Variants in PRKD1 observed in about 807,000 individuals in gnomAD.
PRKD1 encodes the protein protein kinase D1, also known as serine/threonine-protein kinase D1.
A neutral mutation model predicts 95.9 loss-of-function variants in PRKD1; 63 were observed. The ratio of observed to expected loss-of-function variants is 0.66; its 90% CI spans 0.54 to 0.81. PRKD1 has a LOEUF of 0.81. PRKD1 is among the 30% of genes least tolerant of loss of function. The probability of loss-of-function intolerance (pLI) is 0.00; values close to 1 mark genes in which losing one functional copy is unlikely to be tolerated. For missense variants in PRKD1, 1,048 were observed against 1,165.3 expected (o/e 0.90, Z 1.47); for synonymous variants, 425 against 423.1 (o/e 1.00, Z -0.05).
At position 29,782,689 on chromosome 14, in the gene PRKD1, A is replaced by AC. The variant is rs1452200790; in HGVS notation, c.265-57016dup. Reference sequence around the variant, plus strand: ...AGGACTACAGGCATGTGCCACCAATACCACCATGCCCAGCTAATTTTTTTT... The same window carrying AC: ...AGGACTACAGGCATGTGCCACCAATACCCACCATGCCCAGCTAATTTTTTTT... On this transcript the variant is annotated intron_variant, in intron 1 of 17. Coordinates refer to ENST00000331968, the MANE Select transcript of PRKD1 (RefSeq NM_002742.3). Among the ~76,000 whole-genome samples the AC allele has an allele frequency of 4.6e-5, 7 of 151,696 alleles. No individual in the cohort carries two copies. In the East Asian group the frequency reaches 1.4e-3, roughly 30 times the overall value.
chr14:29,887,301 G>A (rs545079425), intron 1 of PRKD1, among the ~76,000 whole-genome samples: 4 of 152,284 alleles, frequency 2.6e-5, no homozygotes, highest in Admixed American at 2.6e-4. Context: ...AAGTCTAGAG[G>A]TGTGACAGGT....
intron 1 of PRKD1, among the ~76,000 whole-genome samples, chr14:29,912,916 T>G (rs1323328489): frequency 6.6e-6 from 1 of 152,248 alleles, no homozygotes; most frequent in Admixed American, 6.5e-5. Flanking sequence ...AAAGGTATTA[T>G]GTACCTCCAG....
chr14:29,927,347 C>A lies in PRKD1; in HGVS notation c.166G>T (p.Gly56Cys). ...VGGISFHLQIGLSREPVLLLQ... is the reference protein window; with the variant it reads ...VGGISFHLQICLSREPVLLLQ... The stretch of plus-strand genomic sequence containing the variant: ...AGCAGCACCGGCTCACGGCTCAGGC[C>A]GATCTGCAGATGGAACGAGATGCCC... The change falls in exon 1 of 18, where the codon GGC becomes TGC. Residue 56 changes from glycine (G) to cysteine (C), a missense_variant. Transcript: ENST00000331968. 1.3e-6 allele frequency: 2 copies of A among 1,566,880 alleles called. No individual in the cohort carries two copies. The highest frequency in any genetic ancestry group is 8.6e-7 in the Non-Finnish European group (1 of 1,158,568).
chr14:29,774,855 T>A (rs983304028), intron 1 of PRKD1, among the ~76,000 whole-genome samples: 1 of 152,160 alleles, frequency 6.6e-6, no homozygotes, highest in Non-Finnish European at 1.5e-5. Flanking sequence ...GTGATTTGCA[T>A]TCTTCCACAG....
At chr14:29,765,468 A>C (rs1189055076) in intron 1 of PRKD1, among the ~76,000 whole-genome samples, 1 of 152,204 alleles carries the variant, frequency 6.6e-6, no homozygotes, top group African/African-American at 2.4e-5. Context: ...CATTTCAGAA[A>C]CATTTGGCTT....
At chr14:29,904,227 G>C (rs997205691) in intron 1 of PRKD1, among the ~76,000 whole-genome samples, 2 of 152,180 alleles carry the variant, frequency 1.3e-5, no homozygotes, top group Non-Finnish European at 2.9e-5. Flanking sequence ...CAAAAGCACT[G>C]TAAAATGATT....
intron 1 of PRKD1, among the ~76,000 whole-genome samples, chr14:29,750,117 T>C (rs189694072): frequency 4.6e-4 from 70 of 152,270 alleles, no homozygotes; most frequent in Middle Eastern, 6.8e-3. Context: ...CAATATTCTA[T>C]GAAATGTGAA....
chr14:29,664,953 T>C (rs756490577), intron 3 of PRKD1, among the ~76,000 whole-genome samples: 2 of 152,234 alleles, frequency 1.3e-5, no homozygotes, highest in Non-Finnish European at 2.9e-5. Context: ...TTCCAATTTC[T>C]GACTTATTTA....
intron 2 of PRKD1, among the ~76,000 whole-genome samples, chr14:29,710,344 T>G (rs1040811842): frequency 6.6e-6 from 1 of 152,112 alleles, no homozygotes; most frequent in Non-Finnish European, 1.5e-5. Context: ...AGGTTAACAT[T>G]ATCAGTGATG....
intron 1 of PRKD1, among the ~76,000 whole-genome samples, chr14:29,763,473 GGAGGAGAGGGAGGA>G: frequency 1.0e-5 from 1 of 98,580 alleles, no homozygotes; most frequent in Non-Finnish European, 2.1e-5. Flanking sequence ...GAAGGGGAGG[GGAGGAGAGGGAGGA>G]AGGGAGGGAG....
At position 29,699,995 on chromosome 14, in the gene PRKD1, A is replaced by G. The variant is rs189292344; in HGVS notation, c.403+25541T>C. Among the ~76,000 whole-genome samples the G allele has an allele frequency of 5.7e-3, 861 of 152,150 alleles. 16 individuals carry two copies. The highest frequency in any genetic ancestry group is 0.034 in the Admixed American group (518 of 15,290). On this transcript the variant is annotated intron_variant, in intron 2 of 17. Coordinates refer to ENST00000331968, the MANE Select transcript of PRKD1 (RefSeq NM_002742.3). Reference sequence around the variant, plus strand: ...TTTAAAGTTTTATTTAAAAGATTTTAAAACCAAAAGAAAGAAAGGTATAGT... The same window carrying G: ...TTTAAAGTTTTATTTAAAAGATTTTGAAACCAAAAGAAAGAAAGGTATAGT...
At chr14:29,628,955 A>C in intron 11 of PRKD1, 86 bp downstream of exon 11, 3 of 977,724 alleles carry the variant, frequency 3.1e-6, no homozygotes, top group Non-Finnish European at 4.3e-6. Flanking sequence ...CTAAAAAATT[A>C]AAATGAATTA....
intron 2 of PRKD1, among the ~76,000 whole-genome samples, chr14:29,725,299 G>C (rs746676444): frequency 6.6e-6 from 1 of 152,144 alleles, no homozygotes. Context: ...GAGGCTGAGA[G>C]GGGGCTGGGA....
intron 1 of PRKD1, among the ~76,000 whole-genome samples, chr14:29,795,469 A>G (rs1474561896): frequency 2.0e-5 from 3 of 152,066 alleles, no homozygotes; most frequent in Non-Finnish European, 4.4e-5. Flanking sequence ...TTTTCACATA[A>G]TAAACACTAT....
chr14:29,882,413 T>C (rs1164972618), intron 1 of PRKD1, among the ~76,000 whole-genome samples: 3 of 152,230 alleles, frequency 2.0e-5, no homozygotes, highest in Non-Finnish European at 4.4e-5. Context: ...TAGGTATTAT[T>C]CTTTAGAAAC....
chr14:29,626,883 T>G (rs1879666441), intron 11 of PRKD1, among the ~76,000 whole-genome samples: 1 of 152,088 alleles, frequency 6.6e-6, no homozygotes, highest in African/African-American at 2.4e-5. Flanking sequence ...CCCAGCTAAT[T>G]TTTGTATTTT....
intron 2 of PRKD1, among the ~76,000 whole-genome samples, chr14:29,697,969 C>G (rs1884624079): frequency 6.6e-6 from 1 of 152,092 alleles, no homozygotes; most frequent in African/African-American, 2.4e-5. Flanking sequence ...AACTTGAGGT[C>G]AAAATTCACA....
chr14:29,763,922 A>C (rs1001896730), intron 1 of PRKD1, among the ~76,000 whole-genome samples: 3 of 152,174 alleles, frequency 2.0e-5, no homozygotes, highest in African/African-American at 4.8e-5. Context: ...GGCAGCCTAA[A>C]TTACCCTTCC....
intron 1 of PRKD1, among the ~76,000 whole-genome samples, chr14:29,918,139 G>A (rs1194328726): frequency 3.3e-5 from 5 of 152,046 alleles, no homozygotes; most frequent in African/African-American, 9.7e-5. Context: ...AGATAAGTCT[G>A]TGAGATGATG....
Sources: allele counts gnomAD v4.1 joint callset (sites outside exome capture counted in the v4.1 genomes callset), GRCh38; gene constraint gnomAD v4.1.1; transcripts MANE v1.5; gene names NCBI Gene and HGNC (gene_info 2026-07-23, HGNC 2026-07-21).